The following CHD6 variants were observed in gnomAD, a reference collection of about 807,000 sequenced individuals.
CHD6 encodes the protein chromodomain helicase DNA binding protein 6, also known as ATP-dependent chromatin remodeler CHD6.
A neutral mutation model predicts 276.9 loss-of-function variants in CHD6; 50 were observed. The observed-to-expected ratio is 0.18, with a 90% confidence interval of 0.14 to 0.23. The LOEUF is 0.23. Ranked by LOEUF, CHD6 falls within the 10% of genes least tolerant of loss-of-function variation. The pLI, the probability that CHD6 is intolerant of heterozygous loss-of-function variation, is 1.00. For missense variants in CHD6, 2,564 were observed against 3,365.8 expected, an observed-to-expected ratio of 0.76 and a Z score of 5.89; for synonymous variants, 1,173 against 1,229.3, an observed-to-expected ratio of 0.95 and a Z score of 0.96.
At chr20:41,539,715 G>A (rs1053548565) in intron 2 of CHD6, among the ~76,000 whole-genome samples, 4 of 152,124 alleles carry the variant, frequency 2.6e-5, no homozygotes, top group Non-Finnish European at 4.4e-5. Flanking sequence ...ATAAATAAAG[G>A]AAACACATAA....
At chr20:41,503,191 ATGT>A (rs1241507623) in intron 5 of CHD6, among the ~76,000 whole-genome samples, 1 of 152,142 alleles carries the variant, frequency 6.6e-6, no homozygotes, top group African/African-American at 2.4e-5. Context: ...TCCTTTCCTG[ATGT>A]TATGTCGCTA....
intron 35 of CHD6, among the ~76,000 whole-genome samples, 170 bp downstream of exon 35, chr20:41,413,154 T>C (rs867713163): frequency 5.3e-5 from 8 of 152,210 alleles, no homozygotes; most frequent in South Asian, 4.1e-4. Context: ...AAGAATTTAA[T>C]CAAAATTTAA....
intron 1 of CHD6, among the ~76,000 whole-genome samples, chr20:41,608,546 T>G (rs1031703771): frequency 5.3e-5 from 8 of 152,208 alleles, no homozygotes; most frequent in African/African-American, 1.9e-4. Context: ...TTCAGGACCC[T>G]AATCCTTGGA....
intron 1 of CHD6, among the ~76,000 whole-genome samples, chr20:41,611,142 CAAATAT>C (rs1473032945): frequency 1.3e-5 from 2 of 152,100 alleles, no homozygotes; most frequent in Non-Finnish European, 2.9e-5. Flanking sequence ...AATAAAGAGG[CAAATAT>C]AAATAGATAA....
At chr20:41,521,341 G>T (rs1408824422) in intron 3 of CHD6, among the ~76,000 whole-genome samples, 1 of 152,182 alleles carries the variant, frequency 6.6e-6, no homozygotes, top group East Asian at 1.9e-4. Flanking sequence ...GTTAAATGGT[G>T]AAGTGACTCT....
At chr20:41,539,318 C>T (rs142105431) in intron 2 of CHD6, among the ~76,000 whole-genome samples, 1 of 152,196 alleles carries the variant, frequency 6.6e-6, no homozygotes, top group African/African-American at 2.4e-5. Context: ...CTGTATCTCA[C>T]CTGACTGACA....
intron 1 of CHD6, among the ~76,000 whole-genome samples, chr20:41,562,117 A>C (rs999364132): frequency 2.0e-5 from 3 of 152,150 alleles, no homozygotes; most frequent in African/African-American, 7.2e-5. Flanking sequence ...CAAAACAAAA[A>C]AAAAACTCTT....
chr20:41,482,562 C>T (rs764859096), intron 16 of CHD6: 13 of 511,664 alleles, frequency 2.5e-5, no homozygotes, highest in South Asian at 1.7e-4. Context: ...CTTAGCAATG[C>T]CTAGGCTACC....
intron 1 of CHD6, among the ~76,000 whole-genome samples, chr20:41,567,038 A>T (rs1220767560): frequency 6.6e-6 from 1 of 152,112 alleles, no homozygotes; most frequent in African/African-American, 2.4e-5. Flanking sequence ...GGACAGAATC[A>T]CCAGTTGCTG....
At chr20:41,439,699 C>T (rs147868872) in intron 26 of CHD6, among the ~76,000 whole-genome samples, 18 of 152,286 alleles carry the variant, frequency 1.2e-4, no homozygotes, top group Non-Finnish European at 2.1e-4. Flanking sequence ...AATCCTCTGA[C>T]CAGACAAGGG....
intron 1 of CHD6, among the ~76,000 whole-genome samples, chr20:41,596,129 T>C (rs1217028357): frequency 6.6e-6 from 1 of 152,124 alleles, no homozygotes; most frequent in East Asian, 1.9e-4. Flanking sequence ...CACATTCCTA[T>C]GGAGTAGTCG....
intron 1 of CHD6, among the ~76,000 whole-genome samples, chr20:41,589,365 C>G (rs1294469076): frequency 6.6e-6 from 1 of 152,018 alleles, no homozygotes; most frequent in African/African-American, 2.4e-5. Context: ...AAGTTCTGGC[C>G]AGGGCAATCA....
intron 1 of CHD6, among the ~76,000 whole-genome samples, chr20:41,566,484 T>C (rs1423972503): frequency 6.6e-6 from 1 of 152,184 alleles, no homozygotes; most frequent in East Asian, 1.9e-4. Context: ...AGACCTCCAA[T>C]GGTCTATCCC....
chr20:41,602,486 A>G, intron 1 of CHD6, among the ~76,000 whole-genome samples: 1 of 152,176 alleles, frequency 6.6e-6, no homozygotes, highest in East Asian at 1.9e-4. Context: ...AAGGGTGTTT[A>G]ACGAAACACA....
chr20:41,461,791 G>T (rs528767824), intron 17 of CHD6: 55 of 152,470 alleles, frequency 3.6e-4, no homozygotes, highest in Non-Finnish European at 7.0e-4. Flanking sequence ...TCACTTCCGG[G>T]GAGACCCAGA....
intron 1 of CHD6, among the ~76,000 whole-genome samples, chr20:41,574,431 C>T (rs1439253305): frequency 2.0e-5 from 3 of 152,166 alleles, no homozygotes; most frequent in Non-Finnish European, 2.9e-5. Context: ...TTTAGTCACT[C>T]ATACATTTTC....
chr20:41,487,657 C>T lies in CHD6; in HGVS notation c.2001+8G>A. 1 of 1,597,418 alleles carries T rather than the reference C, an allele frequency of 6.3e-7. No homozygotes were observed. Among genetic ancestry groups the T allele is most frequent in the Non-Finnish European group, 8.5e-7 (1 of 1,175,818 alleles). The stretch of plus-strand genomic sequence containing the variant: ...ACTGTCTCCTCAATTCTTTGGGTCC[C>T]TAATTACCTGCTCCTCTGTTTTCAG... On this transcript the variant is annotated splice_region_variant and intron_variant, in intron 14 of 36. Coordinates refer to ENST00000373233, the MANE Select transcript of CHD6 (RefSeq NM_032221.5).
chr20:41,471,540 GTT>G (rs11086805), intron 17 of CHD6, among the ~76,000 whole-genome samples: 74 of 145,680 alleles, frequency 5.1e-4, no homozygotes, highest in African/African-American at 1.3e-3. Context: ...AATATTTTCA[GTT>G]TTTTTTTTTT....
rs773972229 is a variant in CHD6 at position 41,452,886 on chromosome 20, C to T, written c.3177G>A (p.Ser1059=). 30 of 1,613,472 alleles carry T rather than the reference C, an allele frequency of 1.9e-5. No homozygotes were observed. The highest frequency in any genetic ancestry group is 1.6e-4 in the Middle Eastern group (1 of 6,082). The change falls in exon 21 of 37, where the codon TCG becomes TCA. Residue 1059 remains serine (S), a synonymous_variant. Transcript: ENST00000373233. The surrounding 1 kb of genome is among the most constrained non-coding windows in gnomAD (Gnocchi z 4.2). Reference sequence around the variant, plus strand: ...ACTCCATGAGCTCGTCTTCCTCAAACGAGTTGTAGTGTTTGGTCTGCTTTC... The same window carrying T: ...ACTCCATGAGCTCGTCTTCCTCAAATGAGTTGTAGTGTTTGGTCTGCTTTC... ...RVRKQTKHYN[S]FEEDELMEFS... is the part of the protein sequence containing the mutation.
Sources: gnomAD v4.1 joint callset for allele counts (sites outside exome capture counted in the v4.1 genomes callset) on GRCh38, gnomAD v4.1.1 for gene constraint, Gnocchi (gnomAD v3.1) non-coding constraint, MANE v1.5 for transcripts, NCBI Gene and HGNC (gene_info 2026-07-23, HGNC 2026-07-21) for gene names.